Variants in LRRC3 observed in about 807,000 individuals in gnomAD.
The protein encoded by LRRC3 is leucine-rich repeat-containing protein 3.
For missense variants in LRRC3, 351 were observed against 361.6 expected, an observed-to-expected ratio of 0.97 and a Z score of 0.24; for synonymous variants, 172 against 164.1, an observed-to-expected ratio of 1.05 and a Z score of -0.37.
rs369724773 is a variant in LRRC3, at chr21:44,457,374, C to T, written c.730C>T (p.Pro244Ser). 2.4e-5 allele frequency: 38 copies of T among 1,603,342 alleles called. No homozygotes were observed. Among genetic ancestry groups the T allele is most frequent in the Non-Finnish European group, 3.2e-5 (37 of 1,172,506 alleles). The change falls in exon 2 of 2, where the codon CCC becomes TCC. Residue 244 changes from proline to serine, a missense_variant. Transcript: ENST00000291592. The stretch of plus-strand genomic sequence containing the variant: ...GCACCTGGAGTACCTGAAGTCTCTG[C>T]CCAGCGCCCCCGCCTCCAAGGACCC... The part of the protein sequence containing the change: ...RRHLEYLKSL[P>S]SAPASKDPIG...
rs75162911 is a variant in LRRC3 at position 44,457,386 on chromosome 21, G to A, written c.742G>A (p.Ala248Thr). ...EYLKSLPSAPASKDPIGPGP is the reference protein window; with the variant it reads ...EYLKSLPSAPTSKDPIGPGP ...CCTGAAGTCTCTGCCCAGCGCCCCC[G>A]CCTCCAAGGACCCCATCGGCCCGGG... Residue 248 changes from alanine to threonine, a missense_variant, in exon 2 of 2, where the codon GCC (alanine) becomes ACC (threonine). By Grantham distance (58) the Ala-to-Thr change is moderately conservative. Coordinates refer to ENST00000291592, the MANE Select transcript of LRRC3 (RefSeq NM_030891.6). 1,782 of 1,600,332 alleles carry A rather than the reference G, an allele frequency of 1.1e-3. 12 individuals carry two copies. In the African/African-American group the frequency reaches 0.017, roughly 15 times the overall value.
chr21:44,456,894 T>G lies in LRRC3; in HGVS notation c.250T>G (p.Phe84Val). The G allele has an allele frequency of 6.2e-7, 1 of 1,610,790 alleles. No individual in the cohort carries two copies. The highest frequency in any genetic ancestry group is 1.1e-5 in the South Asian group (1 of 90,966). ...NKISHLPDGAFQHLHRLRELD... is the reference protein window; with the variant it reads ...NKISHLPDGAVQHLHRLRELD... ...GATCTCCCACCTCCCGGACGGGGCC[T>G]TCCAGCACCTGCACCGGCTCAGGGA... Residue 84 changes from phenylalanine (F) to valine (V), a missense_variant, in exon 2 of 2, where the codon TTC becomes GTC. Phe to Val is a conservative substitution (Grantham distance 50, BLOSUM62 -1). Coordinates refer to ENST00000291592, the MANE Select transcript of LRRC3 (RefSeq NM_030891.6).
rs2051746085 is a variant in LRRC3 at position 44,461,489 on chromosome 21, G to A, written c.*4071G>A. On this transcript the variant is annotated 3_prime_UTR_variant, in exon 2 of 2. Transcript: ENST00000291592. The stretch of plus-strand genomic sequence containing the variant: ...CCTTGCCTACAGGGAGGGTAGATGA[G>A]AGTGTAAACTGCATATGAGGTTGGG... The A allele has an allele frequency of 6.6e-6, 1 of 152,278 alleles. No individual in the cohort carries two copies. The highest frequency in any genetic ancestry group is 6.5e-5 in the Admixed American group (1 of 15,292). 9.4% of individuals were successfully genotyped at this position (152,278 alleles called of 1,614,324 possible).
rs750094293 is a variant in LRRC3 at position 44,457,183 on chromosome 21, T to C, written c.539T>C (p.Phe180Ser). The C allele has an allele frequency of 2.4e-5, 38 of 1,613,710 alleles. 2 individuals carry two copies. The South Asian group carries it at 4.2e-4, about 18-fold the overall frequency. The change falls in exon 2 of 2, where the codon TTT becomes TCT. Residue 180 changes from phenylalanine (F) to serine (S), a missense_variant. Phe to Ser is a radical substitution (Grantham distance 155, BLOSUM62 -2). Transcript: ENST00000291592. Reference protein sequence around the residue: ...IACHTSVQEEFVGKPLVQALD... With the variant: ...IACHTSVQEESVGKPLVQALD... ...TGCCACACCTCAGTGCAGGAGGAGT[T>C]TGTGGGGAAGCCTCTGGTTCAGGCT...
In LRRC3 at chr21:44,457,056, G is replaced by T. The variant is rs1425743029; in HGVS notation, c.412G>T (p.Ala138Ser). 4 of 1,606,728 alleles carry T rather than the reference G, an allele frequency of 2.5e-6. No homozygotes were observed. The highest frequency in any genetic ancestry group is 2.7e-5 in the African/African-American group (2 of 74,930). Residue 138 changes from alanine to serine, a missense_variant, in exon 2 of 2, where the codon GCC becomes TCC. Transcript: ENST00000291592. ...IPKDALGKLS[A>S]KIRLSHNPLH... ...CAAGGACGCCCTGGGCAAACTCAGC[G>T]CCAAGATACGCCTGTCCCACAACCC...
chr21:44,457,537 G>A lies in LRRC3; in HGVS notation c.*119G>A. ...ACAGCCATGTGTGCTCCCCACTGTT[G>A]CACTCAGGCACAGCAGCACCTCCAG... On this transcript the variant is annotated 3_prime_UTR_variant, in exon 2 of 2. Transcript: ENST00000291592. 4.3e-6 allele frequency: 5 copies of A among 1,157,966 alleles called. No individual in the cohort carries two copies. Among genetic ancestry groups the A allele is most frequent in the East Asian group, 2.6e-5 (1 of 38,344 alleles). The allele number at this position is 1,157,966 out of a possible 1,614,324, so 71.7% of individuals were successfully genotyped here.
Position 44,457,391 on chromosome 21 carries a change from C to A in LRRC3, c.747C>A (p.Ser249=). 4 of 1,597,986 alleles carry A rather than the reference C, an allele frequency of 2.5e-6. No individual in the cohort carries two copies. The South Asian group carries it at 3.3e-5, about 13-fold the overall frequency. Residue 249 remains serine, a synonymous_variant, in exon 2 of 2, where the codon TCC becomes TCA. Transcript: ENST00000291592. ...AGTCTCTGCCCAGCGCCCCCGCCTC[C>A]AAGGACCCCATCGGCCCGGGGCCCT... ...YLKSLPSAPA[S]KDPIGPGP is the part of the protein sequence containing the mutation.
chr21:44,457,412 G>C lies in LRRC3; in HGVS notation c.768G>C (p.Gly256=). 6.4e-7 allele frequency: 1 copy of C among 1,567,186 alleles called. No individual in the cohort carries two copies. Residue 256 remains glycine (G), a synonymous_variant, in exon 2 of 2, where the codon GGG becomes GGC. Coordinates refer to ENST00000291592, the MANE Select transcript of LRRC3 (RefSeq NM_030891.6). ...CCTCCAAGGACCCCATCGGCCCGGG[G>C]CCCTAGCGCCTGTTCCGGCAGACCC... ...APASKDPIGP[G]P
chr21:44,458,198 G>T lies in LRRC3; in HGVS notation c.*780G>T. 1 of 158,342 alleles carries T rather than the reference G, an allele frequency of 6.3e-6. No homozygotes were observed. The allele number at this position is 158,342 out of a possible 1,614,324, so 9.8% of individuals were successfully genotyped here. A position where few individuals can be genotyped will look rare whatever the true frequency, so the allele number is the denominator to read the frequency against. Reference sequence around the variant, plus strand: ...GCCTGCTTCCTGCCCCTCTGGGTGTGCCTGATGCGGGAGGCCCTGCCCCAG... The same window carrying T: ...GCCTGCTTCCTGCCCCTCTGGGTGTTCCTGATGCGGGAGGCCCTGCCCCAG... On this transcript the variant is annotated 3_prime_UTR_variant, in exon 2 of 2. Coordinates refer to ENST00000291592, the MANE Select transcript of LRRC3 (RefSeq NM_030891.6).
rs371240605 is a variant in LRRC3 at position 44,457,289 on chromosome 21, C to T, written c.645C>T (p.Phe215=). 3.9e-5 allele frequency: 63 copies of T among 1,613,672 alleles called. No homozygotes were observed. Among genetic ancestry groups the T allele is most frequent in the African/African-American group, 6.7e-5 (5 of 74,940 alleles). ...VAMLVTMFGW[F]AMVIAYVVYY... Reference sequence around the variant, plus strand: ...TGCTGGTCACCATGTTCGGCTGGTTCGCCATGGTGATCGCCTACGTCGTGT... The same window carrying T: ...TGCTGGTCACCATGTTCGGCTGGTTTGCCATGGTGATCGCCTACGTCGTGT... Residue 215 remains phenylalanine, a synonymous_variant, in exon 2 of 2, where the codon TTC becomes TTT. Transcript: ENST00000291592.
In LRRC3 at chr21:44,457,224, A is replaced by G. The variant is rs759755765; in HGVS notation, c.580A>G (p.Ser194Gly). The change falls in exon 2 of 2, where the codon AGC (serine) becomes GGC (glycine). Residue 194 changes from serine to glycine, a missense_variant. Transcript: ENST00000291592. ...PLVQALDAGA[S>G]LCSVPHRTTD... The stretch of plus-strand genomic sequence containing the variant: ...GGTTCAGGCTCTGGATGCGGGTGCC[A>G]GCCTCTGCAGCGTCCCCCACAGGAC... 15 of 1,613,982 alleles carry G rather than the reference A, an allele frequency of 9.3e-6. 1 individual carries two copies. In the South Asian group the frequency reaches 1.5e-4, roughly 17 times the overall value.
Position 44,457,588 on chromosome 21 carries a change from T to G in LRRC3, c.*170T>G. 2 of 680,300 alleles carry G rather than the reference T, an allele frequency of 2.9e-6. No individual in the cohort carries two copies. The highest frequency in any genetic ancestry group is 4.9e-6 in the Non-Finnish European group (2 of 407,742). 42.1% of individuals were successfully genotyped at this position (680,300 alleles called of 1,614,324 possible). A position where few individuals can be genotyped will look rare whatever the true frequency, so the allele number is the denominator to read the frequency against. On this transcript the variant is annotated 3_prime_UTR_variant, in exon 2 of 2. Coordinates refer to ENST00000291592, the MANE Select transcript of LRRC3 (RefSeq NM_030891.6). ...GCTGGGTGGTTTTGCCACACATCCGTGTGACGGATGAGGAACCTGAAGCTT... is the reference window on the plus strand; with the variant it reads ...GCTGGGTGGTTTTGCCACACATCCGGGTGACGGATGAGGAACCTGAAGCTT...
rs2051730209 is a variant in LRRC3, at chr21:44,459,571, A to G, written c.*2153A>G. The G allele has an allele frequency of 6.6e-6, 1 of 152,224 alleles. No individual in the cohort carries two copies. Among genetic ancestry groups the G allele is most frequent in the Non-Finnish European group, 1.5e-5 (1 of 68,102 alleles). 9.4% of individuals were successfully genotyped at this position (152,224 alleles called of 1,614,324 possible). On this transcript the variant is annotated 3_prime_UTR_variant, in exon 2 of 2. Transcript: ENST00000291592. The stretch of plus-strand genomic sequence containing the variant: ...GACCCCAGGTCCCAAGGAGAGTGTG[A>G]ACTGAGGCCTGGGTGGTGAAGGCAG...
chr21:44,456,286 T>G (rs1206119335), intron 1 of LRRC3, among the ~76,000 whole-genome samples: 3 of 152,322 alleles, frequency 2.0e-5, no homozygotes, highest in Non-Finnish European at 4.4e-5. Flanking sequence ...GCCAGCTCCC[T>G]GCACTTGTGG....
At position 44,458,637 on chromosome 21, in the gene LRRC3, A is replaced by T. The variant is rs1442541139; in HGVS notation, c.*1219A>T. On this transcript the variant is annotated 3_prime_UTR_variant, in exon 2 of 2. Coordinates refer to ENST00000291592, the MANE Select transcript of LRRC3 (RefSeq NM_030891.6). ...GAATCTCAGAGATAATTTAGTGCTC[A>T]ATTTACTAACCTTACTTCACATTCA... 1.8e-5 allele frequency: 3 copies of T among 167,094 alleles called. No individual in the cohort carries two copies. Among genetic ancestry groups the T allele is most frequent in the African/African-American group, 4.8e-5 (2 of 41,446 alleles). 10.4% of individuals were successfully genotyped at this position (167,094 alleles called of 1,614,324 possible).
At position 44,457,419 on chromosome 21, in the gene LRRC3, C is replaced by T. The variant is rs140932611; in HGVS notation, c.*1C>T. 3.3e-3 allele frequency: 5,104 copies of T among 1,566,058 alleles called. 13 individuals carry two copies. The highest frequency in any genetic ancestry group is 3.8e-3 in the Non-Finnish European group (4,433 of 1,151,678). ...GGACCCCATCGGCCCGGGGCCCTAG[C>T]GCCTGTTCCGGCAGACCCCCGCCGG... On this transcript the variant is annotated 3_prime_UTR_variant, in exon 2 of 2. Coordinates refer to ENST00000291592, the MANE Select transcript of LRRC3 (RefSeq NM_030891.6).
rs1470730924 is a variant in LRRC3, at chr21:44,459,586, G to A, written c.*2168G>A. 6.6e-6 allele frequency: 1 copy of A among 152,324 alleles called. No homozygotes were observed. The highest frequency in any genetic ancestry group is 6.5e-5 in the Admixed American group (1 of 15,290). 9.4% of individuals were successfully genotyped at this position (152,324 alleles called of 1,614,324 possible). Reference sequence around the variant, plus strand: ...GGAGAGTGTGAACTGAGGCCTGGGTGGTGAAGGCAGGGCCTCTCCTCAGCC... The same window carrying A: ...GGAGAGTGTGAACTGAGGCCTGGGTAGTGAAGGCAGGGCCTCTCCTCAGCC... On this transcript the variant is annotated 3_prime_UTR_variant, in exon 2 of 2. Transcript: ENST00000291592.
chr21:44,456,780 G>A lies in LRRC3; in HGVS notation c.136G>A (p.Val46Met). 6.2e-7 allele frequency: 1 copy of A among 1,611,248 alleles called. No individual in the cohort carries two copies. The highest frequency in any genetic ancestry group is 8.5e-7 in the Non-Finnish European group (1 of 1,179,900). Reference protein sequence around the residue: ...PCRCPDHAGAVAVFCSLRGLQ... With the variant: ...PCRCPDHAGAMAVFCSLRGLQ... ...CCGGTGCCCTGACCACGCAGGGGCTGTGGCTGTCTTCTGCAGCTTGCGGGG... is the reference window on the plus strand; with the variant it reads ...CCGGTGCCCTGACCACGCAGGGGCTATGGCTGTCTTCTGCAGCTTGCGGGG... The change falls in exon 2 of 2, where the codon GTG becomes ATG. Residue 46 changes from valine (V) to methionine (M), a missense_variant. Val to Met is a conservative substitution (Grantham distance 21). Transcript: ENST00000291592.
Position 44,461,612 on chromosome 21 carries a change from G to A in LRRC3, c.*4194G>A, listed in dbSNP as rs2051746999. The stretch of plus-strand genomic sequence containing the variant: ...GGACATGGGGACGAGTGTCCAGGCT[G>A]AAGTCAGGGCCCGGCCAGCAGAGGG... On this transcript the variant is annotated 3_prime_UTR_variant, in exon 2 of 2. Coordinates refer to ENST00000291592, the MANE Select transcript of LRRC3 (RefSeq NM_030891.6). The A allele has an allele frequency of 6.6e-6, 1 of 152,380 alleles. No homozygotes were observed. Among genetic ancestry groups the A allele is most frequent in the Non-Finnish European group, 1.5e-5 (1 of 68,142 alleles). 9.4% of individuals were successfully genotyped at this position (152,380 alleles called of 1,614,324 possible). A position where few individuals can be genotyped will look rare whatever the true frequency, so the allele number is the denominator to read the frequency against.
Sources: gnomAD v4.1 joint callset for allele counts (sites outside exome capture counted in the v4.1 genomes callset) on GRCh38, gnomAD v4.1.1 for gene constraint, MANE v1.5 for transcripts, NCBI Gene and HGNC (gene_info 2026-07-23, HGNC 2026-07-21) for gene names.